The following NOBOX variants were observed in gnomAD, a reference collection of about 807,000 sequenced individuals.
NOBOX encodes the protein NOBOX oogenesis homeobox.
Under a neutral mutation model 60.2 loss-of-function variants are expected in NOBOX, and 46 were observed. That is an observed-to-expected ratio of 0.76 (90% CI 0.60 to 0.98). The LOEUF is 0.98. NOBOX is among the 50% of genes least tolerant of loss of function. The pLI, the probability that NOBOX is intolerant of heterozygous loss-of-function variation, is 0.00. For synonymous variants in NOBOX, 360 were observed against 346.3 expected (o/e 1.04, Z -0.44); for missense variants, 880 against 865.5 (o/e 1.02, Z -0.21).
chr7:144,405,962 G>T (rs533708454), intron 1 of NOBOX, among the ~76,000 whole-genome samples: 6 of 152,178 alleles, frequency 3.9e-5, no homozygotes, highest in Non-Finnish European at 8.8e-5. Flanking sequence ...GATGGTAGGG[G>T]CCTGTGTGGG....
Position 144,401,778 on chromosome 7 carries a change from G to T in NOBOX, c.292+91C>A. The T allele has an allele frequency of 8.9e-7, 1 of 1,119,912 alleles. No individual in the cohort carries two copies. Among genetic ancestry groups the T allele is most frequent in the Non-Finnish European group, 1.3e-6 (1 of 764,414 alleles). 69.4% of individuals were successfully genotyped at this position (1,119,912 alleles called of 1,614,324 possible). On this transcript the variant is annotated intron_variant, in intron 3 of 9. Transcript: ENST00000467773. The surrounding 1 kb of genome is among the most constrained non-coding windows in gnomAD (Gnocchi z 4.2). ...CTTGACTATTGTGAGGATTAAATCA[G>T]ATAACCCAACTTCTTTGAAAAATGT... is the stretch of plus-strand genomic sequence containing the variant.
intron 5 of NOBOX, 94 bp from the exon 4 acceptor site, chr7:144,399,957 A>G: frequency 7.7e-7 from 1 of 1,297,404 alleles, no homozygotes; most frequent in Non-Finnish European, 1.1e-6. Flanking sequence ...AGGACTTTGG[A>G]AGGTCACTCC....
rs11393583 is a variant in NOBOX at position 144,406,564 on chromosome 7, G to GAAA, written c.86-1887_86-1885dup. ...CAGAGTGAGACTCCGTCTCAAAAAA[G>GAAA]AAAAAAAAAAAATTGGCATTTTTCC... is the stretch of plus-strand genomic sequence containing the variant. On this transcript the variant is annotated intron_variant, in intron 1 of 9. Transcript: ENST00000467773. 5.6e-3 allele frequency among the ~76,000 whole-genome samples: 841 copies of GAAA among 149,422 alleles called. 3 individuals are homozygous for GAAA. Among genetic ancestry groups the GAAA allele is most frequent in the African/African-American group, 0.018 (738 of 40,728 alleles).
At position 144,399,029 on chromosome 7, in the gene NOBOX, G is replaced by C; in HGVS notation, c.1390C>G (p.Gln464Glu). ...ACATCCATCAGCAGTGGCATCAGTT[G>C]GGGGGTGTGGACAGGGCCAAGGGGG... Residue 464 changes from glutamine (Q) to glutamate (E), a missense_variant, in exon 8 of 10, where the codon CAA becomes GAA. By Grantham distance (29) the Gln-to-Glu change is conservative. Coordinates refer to ENST00000467773, the MANE Select transcript of NOBOX (RefSeq NM_001080413.3). The C allele has an allele frequency of 1.3e-6, 2 of 1,596,054 alleles. No homozygotes were observed. The highest frequency in any genetic ancestry group is 1.7e-6 in the Non-Finnish European group (2 of 1,170,824).
intron 1 of NOBOX, among the ~76,000 whole-genome samples, chr7:144,404,855 C>G (rs762228294): frequency 6.6e-6 from 1 of 152,132 alleles, no homozygotes; most frequent in Non-Finnish European, 1.5e-5. Flanking sequence ...TTTAAAAATT[C>G]TTGCCTCTTC....
At chr7:144,404,805 C>T (rs2053974581) in intron 1 of NOBOX, 2 of 1,117,564 alleles carry the variant, frequency 1.8e-6, no homozygotes, top group Non-Finnish European at 1.3e-6. Flanking sequence ...TCCTGGTTCA[C>T]GGAATGTTTC....
chr7:144,407,066 TAGAA>T (rs952766267), intron 1 of NOBOX, among the ~76,000 whole-genome samples: 5 of 151,998 alleles, frequency 3.3e-5, no homozygotes, highest in Non-Finnish European at 5.9e-5. Context: ...ACCATGCACT[TAGAA>T]AGAGTCATTT....
rs977382321 is a variant in NOBOX, at chr7:144,407,146, AC to A, written c.86-2467del. The stretch of plus-strand genomic sequence containing the variant: ...CAGAACAAAAAGAAAGGTGTCTGAT[AC>A]TAAAAAAAAAAGTAGTTAATTTTTT... On this transcript the variant is annotated intron_variant, in intron 1 of 9. Coordinates refer to ENST00000467773, the MANE Select transcript of NOBOX (RefSeq NM_001080413.3). Among the ~76,000 whole-genome samples, 7 of 99,854 alleles carry A rather than the reference AC, an allele frequency of 7.0e-5. No individual in the cohort carries two copies. The Admixed American group carries it at 7.4e-4, about 11-fold the overall frequency. 65.5% of individuals were successfully genotyped at this position (99,854 alleles called of 152,430 possible).
chr7:144,402,748 ATTTTTTTTT>A (rs1218483822), intron 2 of NOBOX, among the ~76,000 whole-genome samples: 73 of 93,426 alleles, frequency 7.8e-4, no homozygotes, highest in Non-Finnish European at 1.2e-3. Context: ...AAGGAATAAC[ATTTTTTTTT>A]TTTTTTTTTT....
At position 144,403,893 on chromosome 7, in the gene NOBOX, C is replaced by A. The variant is rs1361931488; in HGVS notation, c.210+663G>T. Among the ~76,000 whole-genome samples, 3 of 151,874 alleles carry A rather than the reference C, an allele frequency of 2.0e-5. No individual in the cohort carries two copies. The South Asian group carries it at 6.2e-4, about 31-fold the overall frequency. Reference sequence around the variant, plus strand: ...GGCTCGGCTGGGGCAGCTGCGAGGGCGGGGAGGACCCGGGCCTGGGCGCCG... The same window carrying A: ...GGCTCGGCTGGGGCAGCTGCGAGGGAGGGGAGGACCCGGGCCTGGGCGCCG... On this transcript the variant is annotated intron_variant, in intron 2 of 9. Coordinates refer to ENST00000467773, the MANE Select transcript of NOBOX (RefSeq NM_001080413.3).
chr7:144,404,702 C>T, intron 1 of NOBOX: 1 of 1,610,758 alleles, frequency 6.2e-7, no homozygotes, highest in Non-Finnish European at 8.5e-7. Flanking sequence ...GGTGTGGTTA[C>T]TGTGTTTCCA....
intron 7 of NOBOX, 104 bp downstream of exon 5, chr7:144,399,293 C>T: frequency 9.9e-7 from 1 of 1,015,176 alleles, no homozygotes; most frequent in Non-Finnish European, 1.5e-6. Context: ...GCCCTGCTGG[C>T]TGAAACACTG....
Position 144,401,100 on chromosome 7 carries a change from G to T in NOBOX, c.790C>A (p.Pro264Thr). The T allele has an allele frequency of 6.5e-7, 1 of 1,546,830 alleles. No individual in the cohort carries two copies. Among genetic ancestry groups the T allele is most frequent in the Non-Finnish European group, 8.7e-7 (1 of 1,149,368 alleles). Residue 264 changes from proline (P) to threonine (T), a missense_variant, in exon 4 of 10, where the codon CCC (proline) becomes ACC (threonine). Transcript: ENST00000467773. The surrounding 1 kb of genome is among the most constrained non-coding windows in gnomAD (Gnocchi z 4.2). ...CTAATTTGGCAGGTCACTTCCGGGG[G>T]CCCCTGCTTGTGGTCTCTGTTTTGG...
At chr7:144,400,905 G>C (rs956360194) in intron 4 of NOBOX, 141 bp downstream of exon 2, 1 of 596,364 alleles carries the variant, frequency 1.7e-6, no homozygotes, top group South Asian at 5.9e-5. Context: ...GCACTACCGC[G>C]GCCCAAGAGA....
chr7:144,408,406 G>A (rs749652236), intron 1 of NOBOX, among the ~76,000 whole-genome samples: 13 of 151,992 alleles, frequency 8.6e-5, no homozygotes, highest in Non-Finnish European at 1.8e-4. Flanking sequence ...CTGCATACAG[G>A]CTGAACTGAT....
intron 1 of NOBOX, among the ~76,000 whole-genome samples, chr7:144,404,954 A>C (rs1315384671): frequency 1.3e-5 from 2 of 152,048 alleles, no homozygotes. Flanking sequence ...CTGGAACAGA[A>C]TCCAGGTGTT....
chr7:144,397,389 AC>A lies in NOBOX; in HGVS notation c.1926del (p.Ser643GlnfsTer?), dbSNP rs1302059061. ...CCTTCAGGCATCCATGAGAGAGCTGACGAAGGCTGCCTGCCCAGAGCCTGGG... is the reference window on the plus strand; with the variant it reads ...CCTTCAGGCATCCATGAGAGAGCTGAGAAGGCTGCCTGCCCAGAGCCTGGG... On this transcript the variant is annotated frameshift_variant, in exon 10 of 10. Coordinates refer to ENST00000467773, the MANE Select transcript of NOBOX (RefSeq NM_001080413.3). LOFTEE classifies it low-confidence loss of function (END_TRUNC). 6.5e-7 allele frequency: 1 copy of A among 1,537,252 alleles called. No homozygotes were observed. Among genetic ancestry groups the A allele is most frequent in the South Asian group, 1.2e-5 (1 of 84,060 alleles).
chr7:144,406,605 G>GT (rs967660693), intron 1 of NOBOX, among the ~76,000 whole-genome samples: 59 of 152,094 alleles, frequency 3.9e-4, no homozygotes, highest in African/African-American at 8.9e-4. Context: ...TAGAAATGAG[G>GT]TTTTTTTCCC....
chr7:144,404,610 G>A lies in NOBOX; in HGVS notation c.156C>T (p.Phe52=). 13 of 1,613,962 alleles carry A rather than the reference G, an allele frequency of 8.1e-6. No homozygotes were observed. The highest frequency in any genetic ancestry group is 1.0e-5 in the Non-Finnish European group (12 of 1,179,876). ...TGCACCGGATGATGAAGAAGGAGCT[G>A]AAAGAGCCACAGACTCCGTAGATCC... is the stretch of plus-strand genomic sequence containing the variant. The change falls in exon 2 of 10, where the codon TTC becomes TTT. Residue 52 remains phenylalanine (F), a synonymous_variant. Transcript: ENST00000467773.
Sources: gnomAD v4.1 joint callset for allele counts (sites outside exome capture counted in the v4.1 genomes callset) on GRCh38, gnomAD v4.1.1 for gene constraint, Gnocchi (gnomAD v3.1) non-coding constraint, MANE v1.5 for transcripts, NCBI Gene and HGNC (gene_info 2026-07-23, HGNC 2026-07-21) for gene names.